Variants in CSK observed in about 807,000 individuals in gnomAD.
CSK encodes C-terminal Src kinase, also known as tyrosine-protein kinase CSK.
CSK carries 7 observed loss-of-function variants against 62.3 expected under a neutral mutation model. The observed-to-expected ratio is 0.11, with a 90% CI of 0.06 to 0.21. The LOEUF (loss-of-function observed/expected upper bound fraction) is 0.21. CSK is among the 10% of genes least tolerant of loss of function. CSK has a pLI of 1.00. For missense variants in CSK, 294 were observed against 613.5 expected, an observed-to-expected ratio of 0.48 and a Z score of 5.50; for synonymous variants, 237 against 246.0, an observed-to-expected ratio of 0.96 and a Z score of 0.34.
chr15:74,798,109 C>T lies in CSK; in HGVS notation c.-65-124C>T, dbSNP rs1223705230. On this transcript the variant is annotated intron_variant, in intron 1 of 12. Transcript: ENST00000220003. The surrounding 1 kb of genome is among the most constrained non-coding windows in gnomAD (Gnocchi z 6.6). The stretch of plus-strand genomic sequence containing the variant: ...GCCTGCCAGGACTGGAGAGAATGGC[C>T]CATGTGTCAAATCCCAGCGCAGGAC... 3.3e-6 allele frequency: 2 copies of T among 603,396 alleles called. No individual in the cohort carries two copies. Among genetic ancestry groups the T allele is most frequent in the African/African-American group, 1.9e-5 (1 of 53,740 alleles). 37.4% of individuals were successfully genotyped at this position (603,396 alleles called of 1,614,324 possible).
In CSK at chr15:74,798,672, G is replaced by A. The variant is rs572429345; in HGVS notation, c.73G>A (p.Glu25Lys). 13 of 1,613,734 alleles carry A rather than the reference G, an allele frequency of 8.1e-6. No homozygotes were observed. The highest frequency in any genetic ancestry group is 1.6e-4 in the Middle Eastern group (1 of 6,062). The stretch of plus-strand genomic sequence containing the variant: ...CAAGTACAACTTCCACGGCACTGCC[G>A]AGCAGGACCTGCCCTTCTGCAAAGG... ...IAKYNFHGTAEQDLPFCKGDV... is the reference protein window; with the variant it reads ...IAKYNFHGTAKQDLPFCKGDV... The change falls in exon 3 of 13, where the codon GAG (glutamate) becomes AAG (lysine). Residue 25 changes from glutamate (E) to lysine (K), a missense_variant. Coordinates refer to ENST00000220003, the MANE Select transcript of CSK (RefSeq NM_004383.3). The surrounding 1 kb of genome is among the most constrained non-coding windows in gnomAD (Gnocchi z 6.6).
intron 1 of CSK, among the ~76,000 whole-genome samples, chr15:74,796,222 CAA>C (rs899938609): frequency 2.2e-5 from 3 of 139,088 alleles, no homozygotes; most frequent in Admixed American, 7.3e-5. Context: ...CTTGCTGTCT[CAA>C]AAAAAAAAAG....
intron 4 of CSK, 147 bp downstream of exon 4, chr15:74,799,085 C>T (rs1490485608): frequency 4.2e-6 from 4 of 958,284 alleles, no homozygotes; most frequent in Non-Finnish European, 6.1e-6. Context: ...CGGGACCTCA[C>T]AGAGCAGGGC....
In CSK at chr15:74,801,084, C is replaced by T. The variant is rs2063785158; in HGVS notation, c.795C>T (p.Val265=). 1 of 1,613,306 alleles carries T rather than the reference C, an allele frequency of 6.2e-7. No homozygotes were observed. Among genetic ancestry groups the T allele is most frequent in the African/African-American group, 1.3e-5 (1 of 75,050 alleles). ...AGGAGAAGGGCGGGCTCTACATCGTCACTGAGTACATGGCCAAGGTGGGCA... is the reference window on the plus strand; with the variant it reads ...AGGAGAAGGGCGGGCTCTACATCGTTACTGAGTACATGGCCAAGGTGGGCA... ...IVEEKGGLYI[V]TEYMAKGSLV... is the part of the protein sequence containing the mutation. Residue 265 remains valine (V), a synonymous_variant, in exon 9 of 13, where the codon GTC becomes GTT. Coordinates refer to ENST00000220003, the MANE Select transcript of CSK (RefSeq NM_004383.3).
At chr15:74,802,237 C>T (rs970098760) in intron 12 of CSK, 94 bp from the exon 13 acceptor site, 37 of 1,436,006 alleles carry the variant, frequency 2.6e-5, no homozygotes, top group Non-Finnish European at 3.2e-5. Flanking sequence ...CCTGGGTCTG[C>T]GGCAAAGCTG....
chr15:74,802,599 C>A lies in CSK; in HGVS notation c.*86C>A, dbSNP rs1261089119. The A allele has an allele frequency of 2.6e-5, 39 of 1,521,190 alleles. No individual in the cohort carries two copies. The highest frequency in any genetic ancestry group is 3.3e-5 in the Non-Finnish European group (37 of 1,128,130). 94.2% of individuals were successfully genotyped at this position (1,521,190 alleles called of 1,614,324 possible). ...GGTGCCCCTGCTCACTGGGCCCGAGCCTGAACTGAGCCCCAGCGGGCTGGC... is the reference window on the plus strand; with the variant it reads ...GGTGCCCCTGCTCACTGGGCCCGAGACTGAACTGAGCCCCAGCGGGCTGGC... On this transcript the variant is annotated 3_prime_UTR_variant, in exon 13 of 13. Coordinates refer to ENST00000220003, the MANE Select transcript of CSK (RefSeq NM_004383.3).
chr15:74,794,974 T>C (rs1055417917), intron 1 of CSK, among the ~76,000 whole-genome samples: 8 of 152,180 alleles, frequency 5.3e-5, no homozygotes, highest in Non-Finnish European at 8.8e-5. Context: ...CAGTGTCCCC[T>C]GAGCAGCGGT....
Position 74,802,639 on chromosome 15 carries a change from C to A in CSK, c.*126C>A. The A allele has an allele frequency of 8.2e-7, 1 of 1,212,340 alleles. No individual in the cohort carries two copies. Among genetic ancestry groups the A allele is most frequent in the Non-Finnish European group, 1.1e-6 (1 of 878,264 alleles). The allele number at this position is 1,212,340 out of a possible 1,614,324, so 75.1% of individuals were successfully genotyped here. On this transcript the variant is annotated 3_prime_UTR_variant, in exon 13 of 13. Coordinates refer to ENST00000220003, the MANE Select transcript of CSK (RefSeq NM_004383.3). ...AGCGGGCTGGCGGGCCTTTTTCCTGCGTCCCAGCCTGCACCCCTCCGGCCC... is the reference window on the plus strand; with the variant it reads ...AGCGGGCTGGCGGGCCTTTTTCCTGAGTCCCAGCCTGCACCCCTCCGGCCC...
At chr15:74,793,907 GCC>G (rs760904930) in intron 1 of CSK, among the ~76,000 whole-genome samples, 5 of 152,016 alleles carry the variant, frequency 3.3e-5, no homozygotes, top group African/African-American at 1.2e-4. Flanking sequence ...TGCTAGCAGG[GCC>G]CCTATTCAGA....
At chr15:74,795,337 G>A (rs760222026) in intron 1 of CSK, among the ~76,000 whole-genome samples, 6 of 151,996 alleles carry the variant, frequency 3.9e-5, no homozygotes, top group South Asian at 4.2e-4. Flanking sequence ...AGACTCCGTC[G>A]CAATAATAAC....
chr15:74,800,700 GA>G lies in CSK; in HGVS notation c.578del (p.Lys193ArgfsTer3). On this transcript the variant is annotated frameshift_variant, in exon 7 of 13. Transcript: ENST00000220003. LOFTEE classifies it high-confidence loss of function. The stretch of plus-strand genomic sequence containing the variant: ...CCACAGGCGGCTGGGCCCTGAACAT[GA>G]AGGAGCTGAAGCTGCTGCAGACCAT... ...FYRSGWALNM[K>X]ELKLLQTIGK... 6.4e-7 allele frequency: 1 copy of G among 1,559,580 alleles called. No individual in the cohort carries two copies. The highest frequency in any genetic ancestry group is 8.7e-7 in the Non-Finnish European group (1 of 1,151,230).
chr15:74,801,975 G>A (rs1283558128), intron 11 of CSK, 22 bp from the exon 12 acceptor site: 2 of 1,612,944 alleles, frequency 1.2e-6, no homozygotes, highest in Non-Finnish European at 1.7e-6. Flanking sequence ...ATCTGACGCT[G>A]CTTCTTCCAT....
Position 74,782,746 on chromosome 15 carries a change from T to TC in CSK, c.-66+30dup, listed in dbSNP as rs2063455671. The TC allele has an allele frequency of 1.3e-5, 2 of 152,296 alleles. No individual in the cohort carries two copies. Among genetic ancestry groups the TC allele is most frequent in the Non-Finnish European group, 2.9e-5 (2 of 68,176 alleles). The allele number at this position is 152,296 out of a possible 1,614,324, so 9.4% of individuals were successfully genotyped here. A position where few individuals can be genotyped will look rare whatever the true frequency, so the allele number is the denominator to read the frequency against. On this transcript the variant is annotated intron_variant, in intron 1 of 12. Transcript: ENST00000220003. This position sits in a 1 kb window ranked among gnomAD's most constrained non-coding sequence, Gnocchi z 5.7. The stretch of plus-strand genomic sequence containing the variant: ...GTGAGTGCCTGGCCGTCCCGGAGTG[T>TC]CCCCTGGAGGGAAGAGGGTGGAGGT...
At chr15:74,783,364 T>C (rs2141765908) in intron 1 of CSK, among the ~76,000 whole-genome samples, 1 of 152,360 alleles carries the variant, frequency 6.6e-6, no homozygotes, top group Admixed American at 6.5e-5. Flanking sequence ...CAGCCCATTC[T>C]CCTAGGCTCT....
chr15:74,798,968 G>T lies in CSK; in HGVS notation c.242+30G>T. The T allele has an allele frequency of 6.8e-7, 1 of 1,479,816 alleles. No homozygotes were observed. Among genetic ancestry groups the T allele is most frequent in the Non-Finnish European group, 8.9e-7 (1 of 1,124,416 alleles). The allele number at this position is 1,479,816 out of a possible 1,614,324, so 91.7% of individuals were successfully genotyped here. On this transcript the variant is annotated intron_variant, in intron 4 of 12. Transcript: ENST00000220003. The surrounding 1 kb of genome is among the most constrained non-coding windows in gnomAD (Gnocchi z 6.6). ...GTACCACGAGGAGGGGTTGGGGAGG[G>T]AAGGGGCCTTGGTCCTCCTGAAGGA...
intron 1 of CSK, among the ~76,000 whole-genome samples, chr15:74,786,037 G>GTGTGTGTGTGTGTA (rs2063516776): frequency 9.0e-6 from 1 of 110,716 alleles, no homozygotes; most frequent in Non-Finnish European, 2.1e-5. Flanking sequence ...GTGTGTGTGT[G>GTGTGTGTGTGTGTA]TGTGTGAGAT....
intron 1 of CSK, among the ~76,000 whole-genome samples, chr15:74,793,601 T>C (rs1382291355): frequency 1.3e-5 from 2 of 152,200 alleles, no homozygotes; most frequent in Non-Finnish European, 2.9e-5. Flanking sequence ...GGTTCTCATC[T>C]GCAAAATGGG....
In CSK at chr15:74,802,380, C is replaced by T. The variant is rs778545309; in HGVS notation, c.1220C>T (p.Ala407Val). 1.9e-6 allele frequency: 3 copies of T among 1,610,650 alleles called. No individual in the cohort carries two copies. The highest frequency in any genetic ancestry group is 2.5e-6 in the Non-Finnish European group (3 of 1,179,312). Residue 407 changes from alanine to valine, a missense_variant, in exon 13 of 13, where the codon GCC becomes GTC. This residue lies in a region of CSK where 66 missense variants were observed against 99.3 expected (regional missense o/e 0.66). Coordinates refer to ENST00000220003, the MANE Select transcript of CSK (RefSeq NM_004383.3). ...GTGGAGAAGGGCTACAAGATGGATG[C>T]CCCCGACGGCTGCCCGCCCGCAGTC... ...PRVEKGYKMDAPDGCPPAVYE... is the reference protein window; with the variant it reads ...PRVEKGYKMDVPDGCPPAVYE...
intron 5 of CSK, among the ~76,000 whole-genome samples, chr15:74,799,922 C>T (rs1454204225): frequency 6.6e-6 from 1 of 152,194 alleles, no homozygotes; most frequent in Non-Finnish European, 1.5e-5. Context: ...GGCTCTCGCA[C>T]CTGCACGGAC....
Sources: gnomAD v4.1 joint callset for allele counts (sites outside exome capture counted in the v4.1 genomes callset) on GRCh38, gnomAD v4.1.1 for gene constraint, gnomAD v4.1.1 regional missense constraint, Gnocchi (gnomAD v3.1) non-coding constraint, MANE v1.5 for transcripts, NCBI Gene and HGNC (gene_info 2026-07-23, HGNC 2026-07-21) for gene names.